MST1R: variants seen among roughly 807,000 people sequenced by gnomAD.
The protein encoded by MST1R is macrophage stimulating 1 receptor, also known as macrophage-stimulating protein receptor.
MST1R carries 99 observed loss-of-function variants against 117.8 expected under a neutral mutation model. That is an observed-to-expected ratio of 0.84 (90% CI 0.71 to 0.99). The LOEUF (loss-of-function observed/expected upper bound fraction) is 0.99, where lower values mean the gene tolerates loss of function less well. Among genes scored for constraint, MST1R ranks in the 50% least tolerant of loss-of-function variants. The pLI is 0.00. For synonymous variants in MST1R, 734 were observed against 765.3 expected, an observed-to-expected ratio of 0.96 and a Z score of 0.68; for missense variants, 1,683 against 1,840.2, an observed-to-expected ratio of 0.91 and a Z score of 1.56.
Position 49,903,474 on chromosome 3 carries a change from C to T in MST1R, c.136G>A (p.Val46Met), listed in dbSNP as rs1192829912. 8.1e-6 allele frequency: 13 copies of T among 1,612,862 alleles called. No individual in the cohort carries two copies. The highest frequency in any genetic ancestry group is 1.0e-5 in the Non-Finnish European group (12 of 1,180,004). The change falls in exon 1 of 20, where the codon GTG (valine) becomes ATG (methionine). Residue 46 changes from valine to methionine, a missense_variant. Physicochemically the swap from Val to Met is conservative, Grantham distance 21. Transcript: ENST00000296474. ...ASRDFDVKYVVPSFSAGGLVQ... is the reference protein window; with the variant it reads ...ASRDFDVKYVMPSFSAGGLVQ... ...AGGCCTCCGGCGGAGAAGCTGGGCA[C>T]CACGTACTTCACGTCAAAGTCGCGA...
In MST1R at chr3:49,896,255, G is replaced by A. The variant is rs761915293; in HGVS notation, c.2589C>T (p.Pro863=). ...TLPGFRFLPP[P]HPPSANLVPL... ...GAACTAGGTTGGCACTGGGTGGATG[G>A]GGTGGGGGTAGGAAGCGAAAGCCAG... Residue 863 remains proline (P), a synonymous_variant, in exon 10 of 20, where the codon CCC becomes CCT. Transcript: ENST00000296474. The A allele has an allele frequency of 1.2e-6, 2 of 1,614,058 alleles. No homozygotes were observed. Among genetic ancestry groups the A allele is most frequent in the African/African-American group, 2.7e-5 (2 of 74,920 alleles).
chr3:49,900,600 T>C (rs1024402057), intron 1 of MST1R, among the ~76,000 whole-genome samples: 3 of 152,148 alleles, frequency 2.0e-5, no homozygotes, highest in Non-Finnish European at 4.4e-5. Flanking sequence ...TGCCTACAGC[T>C]TGGGGTGGGT....
Position 49,890,070 on chromosome 3 carries a change from G to A in MST1R, c.3811-10C>T, listed in dbSNP as rs12489386. On this transcript the variant is annotated splice_polypyrimidine_tract_variant and intron_variant, in intron 18 of 19. Transcript: ENST00000296474. ...GCACACCAAATGACCACTGTGGAAA[G>A]GGGGAGGTGAGGGGACTCAACTCAC... 2 of 1,589,574 alleles carry A rather than the reference G, an allele frequency of 1.3e-6. No homozygotes were observed. The highest frequency in any genetic ancestry group is 2.7e-5 in the African/African-American group (2 of 74,418).
chr3:49,898,311 C>A (rs184853950), intron 4 of MST1R, 100 bp from the exon 5 acceptor site: 1 of 1,511,120 alleles, frequency 6.6e-7, no homozygotes, highest in Non-Finnish European at 9.1e-7. Flanking sequence ...GCCTTCCCCA[C>A]GCTCCAGCCA....
chr3:49,888,706 C>A (rs1575419957), intron 19 of MST1R, among the ~76,000 whole-genome samples: 1 of 152,190 alleles, frequency 6.6e-6, no homozygotes, highest in Non-Finnish European at 1.5e-5. Context: ...GGTCCTAGTG[C>A]CTGCCCCATT....
intron 4 of MST1R, 54 bp downstream of exon 4, chr3:49,898,464 A>C (rs1575444823): frequency 6.3e-7 from 1 of 1,580,960 alleles, no homozygotes; most frequent in Non-Finnish European, 8.6e-7. Flanking sequence ...GCTGACCACC[A>C]CCCCAGGCCC....
intron 14 of MST1R, among the ~76,000 whole-genome samples, chr3:49,893,755 C>T (rs558257195): frequency 3.3e-4 from 49 of 150,300 alleles, no homozygotes; most frequent in East Asian, 2.5e-3. Context: ...AAAAATTAGC[C>T]GGGCACGGTG....
At chr3:49,895,916 G>GCCCTCTGCCCGTGTTT in intron 11 of MST1R, 36 bp from the exon 12 acceptor site, 3 of 1,574,212 alleles carry the variant, frequency 1.9e-6, no homozygotes, top group Non-Finnish European at 2.6e-6. Context: ...CAGCCTGTAG[G>GCCCTCTGCCCGTGTTT]CCCTCTGCCC....
At chr3:49,891,737 C>T (rs760056124) in intron 15 of MST1R, 21 bp downstream of exon 15, 1 of 1,613,788 alleles carries the variant, frequency 6.2e-7, no homozygotes, top group Non-Finnish European at 8.5e-7. Flanking sequence ...CCTCTGCCTT[C>T]CCATCTTCTG....
chr3:49,895,980 T>C lies in MST1R; in HGVS notation c.2777A>G (p.Gln926Arg). The C allele has an allele frequency of 6.3e-7, 1 of 1,578,476 alleles. No individual in the cohort carries two copies. Among genetic ancestry groups the C allele is most frequent in the African/African-American group, 1.3e-5 (1 of 74,482 alleles). Reference sequence around the variant, plus strand: ...GCCTACCTGCAATGGGGCACCATCCTGGCCAAGCTGCAGGGATGGGGGCAG... The same window carrying C: ...GCCTACCTGCAATGGGGCACCATCCCGGCCAAGCTGCAGGGATGGGGGCAG... ...CPLPPSLQLG[Q>R]DGAPLQVCVD... The change falls in exon 11 of 20, where the codon CAG (glutamine) becomes CGG (arginine). Residue 926 changes from glutamine to arginine, a missense_variant. Coordinates refer to ENST00000296474, the MANE Select transcript of MST1R (RefSeq NM_002447.4).
rs1389593836 is a variant in MST1R at position 49,890,781 on chromosome 3, A to G, written c.3645-131T>C. The G allele has an allele frequency of 6.9e-6, 6 of 867,004 alleles. No individual in the cohort carries two copies. In the Admixed American group the frequency reaches 1.2e-4, roughly 18 times the overall value. 53.7% of individuals were successfully genotyped at this position (867,004 alleles called of 1,614,324 possible). Reference sequence around the variant, plus strand: ...CGCTCTGTCACCCAGGCTGGAGTGCAGTGGCGCGATCTCCGCTCACTGCAA... The same window carrying G: ...CGCTCTGTCACCCAGGCTGGAGTGCGGTGGCGCGATCTCCGCTCACTGCAA... On this transcript the variant is annotated intron_variant, in intron 17 of 19. Coordinates refer to ENST00000296474, the MANE Select transcript of MST1R (RefSeq NM_002447.4).
In MST1R at chr3:49,903,128, G is replaced by A. The variant is rs772179375; in HGVS notation, c.482C>T (p.Ala161Val). The change falls in exon 1 of 20, where the codon GCC (alanine) becomes GTC (valine). Residue 161 changes from alanine (A) to valine (V), a missense_variant. By Grantham distance (64) the Ala-to-Val change is moderately conservative (BLOSUM62 0). Transcript: ENST00000296474. ...GTTATGGTGGGCTGAGAAGAGGCAG[G>A]CTGGCGCTGCCAGATGCACGGCTGT... is the stretch of plus-strand genomic sequence containing the variant. ...QGTAVHLAAPACLFSAHHNRP... is the reference protein window; with the variant it reads ...QGTAVHLAAPVCLFSAHHNRP... The A allele has an allele frequency of 2.1e-5, 33 of 1,604,066 alleles. No homozygotes were observed. Among genetic ancestry groups the A allele is most frequent in the Non-Finnish European group, 2.8e-5 (33 of 1,180,006 alleles).
At chr3:49,894,009 T>G (rs1304928608) in intron 14 of MST1R, among the ~76,000 whole-genome samples, 1 of 140,546 alleles carries the variant, frequency 7.1e-6, no homozygotes, top group African/African-American at 2.7e-5. Context: ...AGGTCAGGAG[T>G]TCGAGACCGG....
chr3:49,896,730 T>C lies in MST1R; in HGVS notation c.2344A>G (p.Ile782Val). The change falls in exon 8 of 20, where the codon ATC becomes GTC. Residue 782 changes from isoleucine (I) to valine (V), a missense_variant and splice_region_variant. Coordinates refer to ENST00000296474, the MANE Select transcript of MST1R (RefSeq NM_002447.4). ...AGTGGGCAAAGAGGCAGTGCTTACATGTAGCCACAGTTGGGGCTGATGCTT... is the reference window on the plus strand; with the variant it reads ...AGTGGGCAAAGAGGCAGTGCTTACACGTAGCCACAGTTGGGGCTGATGCTT... ...VLSISPNCGY[I>V]NSHITICGQH... 10 of 1,597,718 alleles carry C rather than the reference T, an allele frequency of 6.3e-6. No homozygotes were observed. Among genetic ancestry groups the C allele is most frequent in the East Asian group, 2.3e-5 (1 of 44,154 alleles).
intron 1 of MST1R, among the ~76,000 whole-genome samples, chr3:49,899,994 G>A (rs1053488598): frequency 6.6e-6 from 1 of 152,166 alleles, no homozygotes; most frequent in African/African-American, 2.4e-5. Flanking sequence ...GTCTTCTCCT[G>A]CCCCCTGCTG....
Position 49,895,679 on chromosome 3 carries a change from G to C in MST1R, c.2962+36C>G, listed in dbSNP as rs765120267. ...GACTTGAAGATGCCATTGGTTGGGG[G>C]TAGGGGCTGATTAAAGGTAGGAGCA... On this transcript the variant is annotated intron_variant, in intron 12 of 19. Coordinates refer to ENST00000296474, the MANE Select transcript of MST1R (RefSeq NM_002447.4). 6 of 1,612,350 alleles carry C rather than the reference G, an allele frequency of 3.7e-6. No homozygotes were observed. In the East Asian group the frequency reaches 1.1e-4, roughly 30 times the overall value.
Position 49,898,609 on chromosome 3 carries a change from A to C in MST1R, c.1628T>G (p.Met543Arg), listed in dbSNP as rs376462242. The C allele has an allele frequency of 2.5e-6, 4 of 1,614,060 alleles. No individual in the cohort carries two copies. The African/African-American group carries it at 5.3e-5, about 22-fold the overall frequency. Residue 543 changes from methionine to arginine, a missense_variant, in exon 4 of 20, where the codon ATG becomes AGG. Physicochemically the swap from Met to Arg is moderately conservative, Grantham distance 91 (BLOSUM62 -1). Transcript: ENST00000296474. ...CGRCLRAWHFMGCGWCGNMCG... is the reference protein window; with the variant it reads ...CGRCLRAWHFRGCGWCGNMCG... Reference sequence around the variant, plus strand: ...CATGTTCCCACACCAGCCACAGCCCATGAAATGCCATGCCCTTAGGCAACG... The same window carrying C: ...CATGTTCCCACACCAGCCACAGCCCCTGAAATGCCATGCCCTTAGGCAACG...
At chr3:49,892,099 G>A (rs1004417366) in intron 14 of MST1R, among the ~76,000 whole-genome samples, 4 of 151,894 alleles carry the variant, frequency 2.6e-5, no homozygotes, top group Admixed American at 6.5e-5. Context: ...GAGTAGCTGG[G>A]ATTACAGGCA....
intron 3 of MST1R, 44 bp downstream of exon 3, chr3:49,898,823 G>T: frequency 1.2e-6 from 2 of 1,612,580 alleles, no homozygotes; most frequent in South Asian, 1.1e-5. Flanking sequence ...GAGAGTCTGT[G>T]ATCCCACAAC....
Sources: allele counts gnomAD v4.1 joint callset (sites outside exome capture counted in the v4.1 genomes callset), GRCh38; gene constraint gnomAD v4.1.1; transcripts MANE v1.5; gene names NCBI Gene and HGNC (gene_info 2026-07-23, HGNC 2026-07-21).